IGF1R: variants seen among roughly 807,000 people sequenced by gnomAD.
IGF1R encodes the protein insulin like growth factor 1 receptor.
A neutral mutation model predicts 144.6 loss-of-function variants in IGF1R; 44 were observed. That is an observed-to-expected ratio of 0.30 (90% CI 0.24 to 0.39). IGF1R has a LOEUF of 0.39. Ranked by LOEUF, IGF1R falls within the 10% of genes least tolerant of loss-of-function variation. The pLI, the probability that IGF1R is intolerant of heterozygous loss-of-function variation, is 1.00. For missense variants in IGF1R, 1,355 were observed against 1,833.7 expected, an observed-to-expected ratio of 0.74 and a Z score of 4.77; for synonymous variants, 795 against 722.8, an observed-to-expected ratio of 1.10 and a Z score of -1.60.
intron 1 of IGF1R, among the ~76,000 whole-genome samples, chr15:98,652,885 A>ACTTTAAATC (rs2052403461): frequency 6.6e-6 from 1 of 151,412 alleles, no homozygotes; most frequent in African/African-American, 2.4e-5. Context: ...TGGATTATGT[A>ACTTTAAATC]CTTTAAATCG....
intron 2 of IGF1R, among the ~76,000 whole-genome samples, chr15:98,853,382 T>G (rs1333372510): frequency 6.6e-6 from 1 of 152,114 alleles, no homozygotes; most frequent in Non-Finnish European, 1.5e-5. Context: ...GGAGCGGAGT[T>G]TGCGTGGCCC....
At chr15:98,808,326 A>G (rs1045096505) in intron 2 of IGF1R, among the ~76,000 whole-genome samples, 2 of 152,226 alleles carry the variant, frequency 1.3e-5, no homozygotes, top group African/African-American at 2.4e-5. Context: ...ATTTGTCAGT[A>G]TCTTTATCCT....
intron 5 of IGF1R, among the ~76,000 whole-genome samples, chr15:98,900,207 C>G (rs537446238): frequency 1.3e-5 from 2 of 152,186 alleles, no homozygotes; most frequent in Non-Finnish European, 2.9e-5. Context: ...TTAAAATAAC[C>G]GTGGGCTTTT....
Position 98,959,369 on chromosome 15 carries a change from C to T in IGF1R, c.*1927C>T, listed in dbSNP as rs980817975. 4.3e-6 allele frequency: 1 copy of T among 233,724 alleles called. No homozygotes were observed. The allele number at this position is 233,724 out of a possible 1,614,324, so 14.5% of individuals were successfully genotyped here. On this transcript the variant is annotated 3_prime_UTR_variant, in exon 21 of 21. Coordinates refer to ENST00000650285, the MANE Select transcript of IGF1R (RefSeq NM_000875.5). ...CCGGCAGGGCCTGTTGTGGCCCTCG[C>T]CACCCCCCTCACCGGACCGACTGAC... is the stretch of plus-strand genomic sequence containing the variant.
Position 98,957,324 on chromosome 15 carries a change from C to T in IGF1R, c.3986C>T (p.Pro1329Leu). 1 of 1,612,486 alleles carries T rather than the reference C, an allele frequency of 6.2e-7. No homozygotes were observed. The highest frequency in any genetic ancestry group is 8.5e-7 in the Non-Finnish European group (1 of 1,178,914). ...RHSGHKAENG[P>L]GPGVLVLRAS... ...TCAGGACACAAGGCCGAGAACGGCC[C>T]CGGCCCTGGGGTGCTGGTCCTCCGC... The change falls in exon 21 of 21, where the codon CCC becomes CTC. Residue 1329 changes from proline to leucine, a missense_variant. Coordinates refer to ENST00000650285, the MANE Select transcript of IGF1R (RefSeq NM_000875.5).
chr15:98,685,087 T>G (rs1317460), intron 1 of IGF1R, among the ~76,000 whole-genome samples: 19,352 of 151,838 alleles, frequency 0.13, 2,465 homozygotes, highest in African/African-American at 0.33. Context: ...GGGTCACAGA[T>G]GTGTGCCATC....
chr15:98,759,107 C>A (rs1031812099), intron 2 of IGF1R, among the ~76,000 whole-genome samples: 16 of 152,214 alleles, frequency 1.1e-4, no homozygotes, highest in African/African-American at 3.6e-4. Flanking sequence ...ATCATACATT[C>A]CATCAATGTT....
At chr15:98,763,000 C>T (rs1451657230) in intron 2 of IGF1R, among the ~76,000 whole-genome samples, 4 of 148,944 alleles carry the variant, frequency 2.7e-5, no homozygotes, top group African/African-American at 5.0e-5. Flanking sequence ...GAGCTGAGGT[C>T]GCACCACTGC....
intron 2 of IGF1R, among the ~76,000 whole-genome samples, chr15:98,733,505 CT>C (rs1043010873): frequency 5.3e-4 from 80 of 151,554 alleles, no homozygotes; most frequent in African/African-American, 1.8e-3. Flanking sequence ...TTTTTTCCCC[CT>C]TCCAAACCCC....
At chr15:98,734,392 ATT>A (rs971383096) in intron 2 of IGF1R, among the ~76,000 whole-genome samples, 2 of 151,288 alleles carry the variant, frequency 1.3e-5, no homozygotes, top group Non-Finnish European at 2.9e-5. Flanking sequence ...TCTCATGCCT[ATT>A]TTTTTTTCTT....
chr15:98,801,674 A>G (rs2056366695), intron 2 of IGF1R, among the ~76,000 whole-genome samples: 1 of 152,254 alleles, frequency 6.6e-6, no homozygotes, highest in Admixed American at 6.5e-5. Context: ...AGCATTCTGC[A>G]TGAGGCATTG....
intron 2 of IGF1R, among the ~76,000 whole-genome samples, chr15:98,775,231 C>G (rs1435829577): frequency 1.3e-5 from 2 of 152,174 alleles, no homozygotes; most frequent in South Asian, 2.1e-4. Context: ...CTCGTTCCCC[C>G]CACCTCCACA....
At chr15:98,743,166 G>T (rs1437338297) in intron 2 of IGF1R, among the ~76,000 whole-genome samples, 1 of 152,076 alleles carries the variant, frequency 6.6e-6, no homozygotes, top group East Asian at 1.9e-4. Context: ...CAAATTAGAT[G>T]GATTTAAACA....
intron 17 of IGF1R, among the ~76,000 whole-genome samples, 160 bp from the exon 18 acceptor site, chr15:98,939,041 C>T (rs2016264875): frequency 1.3e-5 from 2 of 152,184 alleles, no homozygotes; most frequent in Non-Finnish European, 2.9e-5. Context: ...GTGCCATGCT[C>T]TCCATGATGG....
intron 2 of IGF1R, among the ~76,000 whole-genome samples, chr15:98,874,876 G>A (rs183936734): frequency 3.3e-5 from 5 of 152,314 alleles, no homozygotes; most frequent in South Asian, 2.1e-4. Context: ...CTGAGAAGCC[G>A]TTCTCTTCTC....
intron 2 of IGF1R, among the ~76,000 whole-genome samples, chr15:98,777,773 GCACT>G (rs763968404): frequency 1.3e-5 from 2 of 152,194 alleles, no homozygotes; most frequent in African/African-American, 2.4e-5. Flanking sequence ...GATGAGGTCT[GCACT>G]CACTTGCCTG....
At chr15:98,955,490 A>G (rs2016942313) in intron 20 of IGF1R, among the ~76,000 whole-genome samples, 2 of 152,244 alleles carry the variant, frequency 1.3e-5, no homozygotes, top group South Asian at 4.1e-4. Flanking sequence ...CATGGAAATG[A>G]GGGAGCGTGG....
chr15:98,768,947 AC>A (rs1485977169), intron 2 of IGF1R, among the ~76,000 whole-genome samples: 2 of 152,012 alleles, frequency 1.3e-5, no homozygotes, highest in African/African-American at 4.8e-5. Context: ...AACAACAACA[AC>A]AACAACAACA....
chr15:98,943,163 C>CTAA, intron 19 of IGF1R, 111 bp downstream of exon 19: 1 of 1,287,460 alleles, frequency 7.8e-7, no homozygotes, highest in South Asian at 1.2e-5. Context: ...CCGTTGCCAG[C>CTAA]TTTAGCTCAG....
Sources: allele counts gnomAD v4.1 joint callset (sites outside exome capture counted in the v4.1 genomes callset), GRCh38; gene constraint gnomAD v4.1.1; transcripts MANE v1.5; gene names NCBI Gene and HGNC (gene_info 2026-07-23, HGNC 2026-07-21).